ZNF547: variants seen among roughly 807,000 people sequenced by gnomAD.
The protein encoded by ZNF547 is zinc finger protein 547.
ZNF547 carries 4 observed loss-of-function variants against 7.7 expected under a neutral mutation model. The observed-to-expected ratio is 0.52, with a 90% confidence interval of 0.26 to 1.20. The LOEUF is 1.20. Among genes scored for constraint, ZNF547 ranks in the 50% most tolerant of loss-of-function variants. The probability of loss-of-function intolerance (pLI) is 0.14; values close to 1 mark genes in which losing one functional copy is unlikely to be tolerated. For missense variants in ZNF547, 449 were observed against 485.8 expected (o/e 0.92, Z 0.71); for synonymous variants, 166 against 166.2 (o/e 1.00, Z 0.01).
At chr19:57,371,731 T>G in intron 2 of ZNF547, 51 bp from the exon 3 acceptor site, 1 of 1,577,136 alleles carries the variant, frequency 6.3e-7, no homozygotes, top group East Asian at 2.3e-5. Flanking sequence ...AGAACTTAAG[T>G]AAATACAGTT....
rs1411652729 is a variant in ZNF547, at chr19:57,377,678, C to T, written c.702C>T (p.His234=). Residue 234 remains histidine, a synonymous_variant, in exon 4 of 4, where the codon CAC becomes CAT. Transcript: ENST00000282282. The stretch of plus-strand genomic sequence containing the variant: ...ACCTTGTTCGTCACCAGACAATCCA[C>T]TCTGGAGAAAGGCCTTATGAGTGCA... ...KSHLVRHQTI[H]SGERPYECSE... is the part of the protein sequence containing the mutation. 6.2e-7 allele frequency: 1 copy of T among 1,612,276 alleles called. No individual in the cohort carries two copies. The highest frequency in any genetic ancestry group is 1.3e-5 in the African/African-American group (1 of 74,838).
chr19:57,371,542 G>A (rs899060645), intron 2 of ZNF547: 7 of 527,084 alleles, frequency 1.3e-5, no homozygotes, highest in African/African-American at 3.8e-5. Context: ...GTCCCTAGTT[G>A]TGCAGTACCT....
rs564861999 is a variant in ZNF547 at position 57,375,452 on chromosome 19, G to A, written c.152-1676G>A. 1.5e-4 allele frequency among the ~76,000 whole-genome samples: 23 copies of A among 151,958 alleles called. No homozygotes were observed. The South Asian group carries it at 4.8e-3, about 32-fold the overall frequency. ...GGGTCACTTGAGATCAGGAGTTTGA[G>A]ACCAGACTGGCCAACATGGCGAAAC... On this transcript the variant is annotated intron_variant, in intron 3 of 3. Transcript: ENST00000282282.
rs1047023307 is a variant in ZNF547 at position 57,366,556 on chromosome 19, T to G, written c.-12-1988T>G. On this transcript the variant is annotated intron_variant, in intron 1 of 3. Transcript: ENST00000282282. ...CCAATTCAGATAAATTGTTTTTTTT[T>G]TTTTTTTTTTTGACGTGGAGTTTTG... Among the ~76,000 whole-genome samples the G allele has an allele frequency of 9.5e-5, 14 of 147,788 alleles. No individual in the cohort carries two copies. In the South Asian group the frequency reaches 1.1e-3, roughly 12 times the overall value.
intron 1 of ZNF547, chr19:57,364,091 C>T (rs2123006114): frequency 6.5e-6 from 1 of 152,802 alleles, no homozygotes; most frequent in Non-Finnish European, 1.5e-5. Context: ...CACAGAGAGA[C>T]CCAGAAGAGG....
At chr19:57,373,268 T>C (rs554992939) in intron 3 of ZNF547, among the ~76,000 whole-genome samples, 2 of 152,166 alleles carry the variant, frequency 1.3e-5, no homozygotes, top group African/African-American at 4.8e-5. Context: ...ACCAGCAAAT[T>C]TCATGAGAAT....
Position 57,378,692 on chromosome 19 carries a change from A to G in ZNF547, c.*507A>G. ...GAACTAGTATTATATGGTTTTTAAAAAACAATGGTGAAGTACATGCCACAT... is the reference window on the plus strand; with the variant it reads ...GAACTAGTATTATATGGTTTTTAAAGAACAATGGTGAAGTACATGCCACAT... On this transcript the variant is annotated 3_prime_UTR_variant, in exon 4 of 4. Coordinates refer to ENST00000282282, the MANE Select transcript of ZNF547 (RefSeq NM_173631.4). 7.8e-6 allele frequency: 3 copies of G among 382,670 alleles called. No homozygotes were observed. Among genetic ancestry groups the G allele is most frequent in the South Asian group, 5.7e-5 (3 of 52,462 alleles). 23.7% of individuals were successfully genotyped at this position (382,670 alleles called of 1,614,324 possible).
chr19:57,377,334 C>T lies in ZNF547; in HGVS notation c.358C>T (p.His120Tyr), dbSNP rs768585756. 1 of 1,614,214 alleles carries T rather than the reference C, an allele frequency of 6.2e-7. No homozygotes were observed. Among genetic ancestry groups the T allele is most frequent in the Non-Finnish European group, 8.5e-7 (1 of 1,180,048 alleles). The change falls in exon 4 of 4, where the codon CAT (histidine) becomes TAT (tyrosine). Residue 120 changes from histidine to tyrosine, a missense_variant. By Grantham distance (83) the His-to-Tyr change is moderately conservative. Coordinates refer to ENST00000282282, the MANE Select transcript of ZNF547 (RefSeq NM_173631.4). ...GCAGGGACTGTACACGTGTCCAGCA[C>T]ATCTTCACCAGCACCAAAAGGAGCA... ...PEQGLYTCPA[H>Y]LHQHQKEQIR...
chr19:57,377,532 T>G lies in ZNF547; in HGVS notation c.556T>G (p.Cys186Gly). The G allele has an allele frequency of 2.5e-6, 4 of 1,614,092 alleles. No homozygotes were observed. Among genetic ancestry groups the G allele is most frequent in the Non-Finnish European group, 3.4e-6 (4 of 1,180,010 alleles). Residue 186 changes from cysteine to glycine, a missense_variant, in exon 4 of 4, where the codon TGC (cysteine) becomes GGC (glycine). Physicochemically the swap from Cys to Gly is radical, Grantham distance 159. Transcript: ENST00000282282. Reference sequence around the variant, plus strand: ...CCACACTGGAGAAAGAACTTATAAGTGCAGCAAATGTGGGATATTGTTTAT... The same window carrying G: ...CCACACTGGAGAAAGAACTTATAAGGGCAGCAAATGTGGGATATTGTTTAT... Reference protein sequence around the residue: ...KIHTGERTYKCSKCGILFMER... With the variant: ...KIHTGERTYKGSKCGILFMER...
intron 3 of ZNF547, among the ~76,000 whole-genome samples, chr19:57,372,956 T>C (rs2088515502): frequency 6.6e-6 from 1 of 152,220 alleles, no homozygotes; most frequent in Admixed American, 6.5e-5. Flanking sequence ...ACCCCTCTCT[T>C]GTGTTCTTAC....
At chr19:57,365,105 A>T (rs1308176886) in intron 1 of ZNF547, 2 of 1,609,204 alleles carry the variant, frequency 1.2e-6, no homozygotes, top group African/African-American at 2.7e-5. Flanking sequence ...GACATAAGAC[A>T]AGAAGATGGA....
intron 2 of ZNF547, 103 bp from the exon 3 acceptor site, chr19:57,371,679 C>T: frequency 6.7e-7 from 1 of 1,487,686 alleles, no homozygotes; most frequent in South Asian, 1.4e-5. Flanking sequence ...TTAGTTTGTC[C>T]CTGTGTTTAA....
chr19:57,378,100 C>G lies in ZNF547; in HGVS notation c.1124C>G (p.Thr375Ser). ...CTCATTTGTCATCAGACAGTTCACA[C>G]TGCAGCAAAGCAGTGCAGTGAATGT... ...SHLICHQTVHTAAKQCSECGK... is the reference protein window; with the variant it reads ...SHLICHQTVHSAAKQCSECGK... Residue 375 changes from threonine to serine, a missense_variant, in exon 4 of 4, where the codon ACT becomes AGT. By Grantham distance (58) the Thr-to-Ser change is moderately conservative. Coordinates refer to ENST00000282282, the MANE Select transcript of ZNF547 (RefSeq NM_173631.4). The G allele has an allele frequency of 1.2e-6, 2 of 1,613,750 alleles. No homozygotes were observed. Among genetic ancestry groups the G allele is most frequent in the Non-Finnish European group, 1.7e-6 (2 of 1,179,932 alleles).
At chr19:57,373,037 G>C (rs1230665246) in intron 3 of ZNF547, among the ~76,000 whole-genome samples, 1 of 152,154 alleles carries the variant, frequency 6.6e-6, no homozygotes, top group East Asian at 1.9e-4. Context: ...TCTTCTCATT[G>C]GCCTTAGTGT....
chr19:57,371,970 G>C, intron 3 of ZNF547, 62 bp downstream of exon 3: 2 of 1,498,250 alleles, frequency 1.3e-6, no homozygotes, highest in Non-Finnish European at 1.8e-6. Flanking sequence ...TTTACCTGAA[G>C]GCAGCTCTGC....
At chr19:57,368,737 A>G (rs1046996222) in intron 2 of ZNF547, among the ~76,000 whole-genome samples, 158 bp downstream of exon 2, 4 of 152,186 alleles carry the variant, frequency 2.6e-5, no homozygotes, top group African/African-American at 9.6e-5. Flanking sequence ...AGTATCTTAA[A>G]TTAGGTCTGG....
Position 57,377,375 on chromosome 19 carries a change from T to G in ZNF547, c.399T>G (p.Leu133=). 6.2e-7 allele frequency: 1 copy of G among 1,614,128 alleles called. No individual in the cohort carries two copies. The highest frequency in any genetic ancestry group is 1.1e-5 in the South Asian group (1 of 91,084). Residue 133 remains leucine, a synonymous_variant, in exon 4 of 4, where the codon CTT becomes CTG. Transcript: ENST00000282282. The part of the protein sequence containing the change: ...QHQKEQIREK[L]SRGDGGRPTF... ...AAAAGGAGCAGATTAGAGAGAAACT[T>G]TCTAGAGGGGATGGAGGAAGACCGA...
chr19:57,368,667 A>T, intron 2 of ZNF547, 88 bp downstream of exon 2: 1 of 1,293,036 alleles, frequency 7.7e-7, no homozygotes, highest in Non-Finnish European at 1.1e-6. Flanking sequence ...GTGTCCAGAG[A>T]CTCTCTTTCT....
chr19:57,364,085 G>C (rs940083030), intron 1 of ZNF547: 2 of 152,726 alleles, frequency 1.3e-5, no homozygotes, highest in African/African-American at 4.8e-5. Context: ...AATTGACACA[G>C]AGAGACCCAG....
Sources: gnomAD v4.1 joint callset for allele counts (sites outside exome capture counted in the v4.1 genomes callset) on GRCh38, gnomAD v4.1.1 for gene constraint, MANE v1.5 for transcripts, NCBI Gene and HGNC (gene_info 2026-07-23, HGNC 2026-07-21) for gene names.